LRFN2: variants seen among roughly 807,000 people sequenced by gnomAD.
LRFN2 encodes leucine-rich repeat and fibronectin type-III domain-containing protein 2.
Under a neutral mutation model 37.3 loss-of-function variants are expected in LRFN2, and 18 were observed. That is an observed-to-expected ratio of 0.48 (90% CI 0.33 to 0.72). The LOEUF (loss-of-function observed/expected upper bound fraction) is 0.72. Among genes scored for constraint, LRFN2 ranks in the 30% least tolerant of loss-of-function variants. The pLI is 0.02. For synonymous variants in LRFN2, 556 were observed against 466.6 expected, an observed-to-expected ratio of 1.19 and a Z score of -2.47; for missense variants, 1,006 against 1,060.7, an observed-to-expected ratio of 0.95 and a Z score of 0.72.
chr6:40,548,360 G>A (rs1391208849), intron 1 of LRFN2, among the ~76,000 whole-genome samples: 4 of 151,998 alleles, frequency 2.6e-5, no homozygotes, highest in African/African-American at 9.7e-5. Flanking sequence ...AGAATCACTT[G>A]AACCTGGGAG....
At chr6:40,577,204 C>A (rs552023030) in intron 1 of LRFN2, among the ~76,000 whole-genome samples, 1 of 151,866 alleles carries the variant, frequency 6.6e-6, no homozygotes, top group African/African-American at 2.4e-5. Flanking sequence ...TGGGTTCAAG[C>A]GATTCTCCTG....
chr6:40,455,694 G>T (rs917182410), intron 1 of LRFN2, among the ~76,000 whole-genome samples: 1 of 152,152 alleles, frequency 6.6e-6, no homozygotes, highest in African/African-American at 2.4e-5. Flanking sequence ...GTGGCCTTGA[G>T]CACACACATA....
intron 1 of LRFN2, among the ~76,000 whole-genome samples, chr6:40,466,239 C>A (rs1333515618): frequency 6.6e-6 from 1 of 152,166 alleles, no homozygotes; most frequent in African/African-American, 2.4e-5. Flanking sequence ...ATGACCAGAT[C>A]ACCCCAAGGA....
At chr6:40,584,159 G>A (rs913918336) in intron 1 of LRFN2, among the ~76,000 whole-genome samples, 7 of 152,128 alleles carry the variant, frequency 4.6e-5, no homozygotes, top group African/African-American at 1.4e-4. Flanking sequence ...CTGGACAGGG[G>A]GAAGTTGGCT....
Position 40,531,165 on chromosome 6 carries a change from C to T in LRFN2, c.-19+55776G>A, listed in dbSNP as rs543602640. Among the ~76,000 whole-genome samples the T allele has an allele frequency of 2.6e-5, 4 of 152,324 alleles. No individual in the cohort carries two copies. In the South Asian group the frequency reaches 8.3e-4, roughly 32 times the overall value. On this transcript the variant is annotated intron_variant, in intron 1 of 2. Coordinates refer to ENST00000338305, the MANE Select transcript of LRFN2 (RefSeq NM_020737.3). ...GCAACTGCTTTTCTGACTTCTAATA[C>T]CACAGATAGGCCATCTGATTTGTAA...
At chr6:40,426,331 C>G (rs1488614732) in intron 2 of LRFN2, among the ~76,000 whole-genome samples, 1 of 152,176 alleles carries the variant, frequency 6.6e-6, no homozygotes, top group African/African-American at 2.4e-5. Context: ...CTACTGAACC[C>G]TTTTGGTATG....
intron 2 of LRFN2, among the ~76,000 whole-genome samples, chr6:40,430,728 C>T (rs776964427): frequency 2.0e-5 from 3 of 152,188 alleles, no homozygotes; most frequent in Non-Finnish European, 4.4e-5. Context: ...AAGGTCAGTA[C>T]CATTGTCTTC....
chr6:40,583,000 C>A (rs949767338), intron 1 of LRFN2, among the ~76,000 whole-genome samples: 24 of 152,258 alleles, frequency 1.6e-4, no homozygotes, highest in African/African-American at 5.8e-4. Flanking sequence ...CCCTCACTAT[C>A]TTCTGGATTC....
At chr6:40,544,743 T>C (rs1357344928) in intron 1 of LRFN2, among the ~76,000 whole-genome samples, 1 of 152,248 alleles carries the variant, frequency 6.6e-6, no homozygotes, top group Non-Finnish European at 1.5e-5. Context: ...CCAGCAGCGC[T>C]GAGGATAACC....
chr6:40,509,687 C>CAT (rs1765644086), intron 1 of LRFN2, among the ~76,000 whole-genome samples: 1 of 149,146 alleles, frequency 6.7e-6, no homozygotes, highest in African/African-American at 2.5e-5. Context: ...TGGGTGCATG[C>CAT]GTGCAGGTAT....
At chr6:40,418,097 A>G (rs1763137873) in intron 2 of LRFN2, among the ~76,000 whole-genome samples, 2 of 152,282 alleles carry the variant, frequency 1.3e-5, no homozygotes, top group Non-Finnish European at 2.9e-5. Flanking sequence ...GCAAGGGCCT[A>G]TGTAATCTAG....
chr6:40,476,816 C>T lies in LRFN2; in HGVS notation c.-18-43685G>A, dbSNP rs189530117. ...GTGACCCACAGCCCAGAACAGGCCTCGGATGTTGGTGGCCCAATGGACATC... is the reference window on the plus strand; with the variant it reads ...GTGACCCACAGCCCAGAACAGGCCTTGGATGTTGGTGGCCCAATGGACATC... On this transcript the variant is annotated intron_variant, in intron 1 of 2. Coordinates refer to ENST00000338305, the MANE Select transcript of LRFN2 (RefSeq NM_020737.3). Among the ~76,000 whole-genome samples the T allele has an allele frequency of 2.0e-5, 3 of 152,336 alleles. No individual in the cohort carries two copies. The East Asian group carries it at 5.8e-4, about 29-fold the overall frequency.
intron 1 of LRFN2, among the ~76,000 whole-genome samples, chr6:40,564,619 A>C (rs1046686739): frequency 1.3e-5 from 2 of 151,976 alleles, no homozygotes; most frequent in Admixed American, 1.3e-4. Flanking sequence ...CTCCTGAACT[A>C]CTCCACTGCT....
At chr6:40,493,589 T>C (rs1361350933) in intron 1 of LRFN2, among the ~76,000 whole-genome samples, 1 of 152,148 alleles carries the variant, frequency 6.6e-6, no homozygotes, top group East Asian at 1.9e-4. Flanking sequence ...CATAAATAGC[T>C]TCCTGAGTGC....
At chr6:40,394,104 C>G (rs745382573) in intron 2 of LRFN2, among the ~76,000 whole-genome samples, 6 of 152,100 alleles carry the variant, frequency 3.9e-5, no homozygotes, top group Non-Finnish European at 7.4e-5. Context: ...ACTGCTCCTT[C>G]CACCTTTGGG....
chr6:40,467,213 G>A (rs904413693), intron 1 of LRFN2, among the ~76,000 whole-genome samples: 15 of 151,396 alleles, frequency 9.9e-5, no homozygotes, highest in Non-Finnish European at 2.1e-4. Context: ...GATGATGTGT[G>A]TGTGTGTGTT....
intron 2 of LRFN2, among the ~76,000 whole-genome samples, chr6:40,425,478 C>G (rs1190357772): frequency 6.6e-6 from 1 of 152,202 alleles, no homozygotes. Context: ...CATGTCACCC[C>G]AGGGATGAAG....
chr6:40,463,895 C>G (rs938304189), intron 1 of LRFN2, among the ~76,000 whole-genome samples: 1 of 152,038 alleles, frequency 6.6e-6, no homozygotes, highest in Non-Finnish European at 1.5e-5. Context: ...CCAGGCTGGT[C>G]TTGAACTCCT....
intron 1 of LRFN2, among the ~76,000 whole-genome samples, chr6:40,581,004 G>T (rs765390574): frequency 6.6e-6 from 1 of 152,122 alleles, no homozygotes; most frequent in Non-Finnish European, 1.5e-5. Context: ...ACTGGTGGGG[G>T]TGTGTGTGTA....
Sources: gnomAD v4.1 joint callset for allele counts (sites outside exome capture counted in the v4.1 genomes callset) on GRCh38, gnomAD v4.1.1 for gene constraint, MANE v1.5 for transcripts, NCBI Gene and HGNC (gene_info 2026-07-23, HGNC 2026-07-21) for gene names.